The following TYK2 variants were observed in gnomAD, a reference collection of about 807,000 sequenced individuals.
TYK2 encodes the protein tyrosine kinase 2.
TYK2 carries 65 observed loss-of-function variants against 130.9 expected under a neutral mutation model. The observed-to-expected ratio is 0.50, with a 90% CI of 0.41 to 0.61. TYK2 has a LOEUF of 0.61. TYK2 is among the 20% of genes least tolerant of loss of function. The pLI is 0.00. For synonymous variants in TYK2, 647 were observed against 658.9 expected (o/e 0.98, Z 0.28); for missense variants, 1,378 against 1,610.7 (o/e 0.86, Z 2.47).
chr19:10,362,351 C>G lies in TYK2; in HGVS notation c.1582G>C (p.Glu528Gln). ...CAGCCCTGCAAGGCAGCCCCAAGTTCCCGAACGCTGGGGAAGGACCGGCCC... is the reference window on the plus strand; with the variant it reads ...CAGCCCTGCAAGGCAGCCCCAAGTTGCCGAACGCTGGGGAAGGACCGGCCC... ...GWGRSFPSVRELGAALQGCLL... is the reference protein window; with the variant it reads ...GWGRSFPSVRQLGAALQGCLL... Residue 528 changes from glutamate (E) to glutamine (Q), a missense_variant, in exon 11 of 25, where the codon GAA becomes CAA. Physicochemically the swap from Glu to Gln is conservative, Grantham distance 29. Transcript: ENST00000525621. 6.2e-7 allele frequency: 1 copy of G among 1,614,136 alleles called. No homozygotes were observed. Among genetic ancestry groups the G allele is most frequent in the South Asian group, 1.1e-5 (1 of 91,088 alleles).
In TYK2 at chr19:10,352,804, C is replaced by G. The variant is rs280496; in HGVS notation, c.3200+122G>C. ...GCCTCCATAGGCCCCACCCCCGCAC[C>G]GCTAGGCCCCGCCGCGCTTCACTGG... On this transcript the variant is annotated intron_variant, in intron 22 of 24. Transcript: ENST00000525621. 326,770 of 1,324,388 alleles carry G rather than the reference C, an allele frequency of 0.25. 43,067 individuals carry two copies. Among genetic ancestry groups the G allele is most frequent in the African/African-American group, 0.45 (30,885 of 68,242 alleles). 82.0% of individuals were successfully genotyped at this position (1,324,388 alleles called of 1,614,324 possible).
chr19:10,364,836 TACCCTGGGCCTCACCAGGC>T lies in TYK2; in HGVS notation c.1205_1209+14del. Reference sequence around the variant, plus strand: ...CCATGATGGGCCCTAGCCCAGCCCCTACCCTGGGCCTCACCAGGCACTTGTTGTCCTGCCGGTGGATGCT... The same window carrying T: ...CCATGATGGGCCCTAGCCCAGCCCCTACTTGTTGTCCTGCCGGTGGATGCT... On this transcript the variant is annotated splice_donor_variant and splice_donor_5th_base_variant and coding_sequence_variant and intron_variant, in exon 8 of 25. Transcript: ENST00000525621. LOFTEE classifies it high-confidence loss of function. The surrounding 1 kb of genome is among the most constrained non-coding windows in gnomAD (Gnocchi z 4.9). The T allele has an allele frequency of 3.7e-6, 6 of 1,614,014 alleles. No homozygotes were observed. Among genetic ancestry groups the T allele is most frequent in the Non-Finnish European group, 5.1e-6 (6 of 1,180,024 alleles).
At chr19:10,369,858 A>C in intron 3 of TYK2, 1 of 391,050 alleles carries the variant, frequency 2.6e-6, no homozygotes, top group Non-Finnish European at 5.1e-6. Flanking sequence ...CTTGGCTAAC[A>C]TGGTGAAACC....
Position 10,359,184 on chromosome 19 carries a change from G to A in TYK2, c.2166C>T (p.Leu722=), listed in dbSNP as rs1303643362. 6.2e-6 allele frequency: 10 copies of A among 1,603,600 alleles called. No homozygotes were observed. Among genetic ancestry groups the A allele is most frequent in the Non-Finnish European group, 8.5e-6 (10 of 1,179,850 alleles). ...MVVAQQLASA[L]SYLENKNLVH... ...CACACAGGCCACACACCAGGTAGCT[G>A]AGGGCGCTGGCCAGCTGCTGGGCCA... The change falls in exon 15 of 25, where the codon CTC becomes CTT. Residue 722 remains leucine (L), a synonymous_variant. Coordinates refer to ENST00000525621, the MANE Select transcript of TYK2 (RefSeq NM_003331.5).
Position 10,358,116 on chromosome 19 carries a change from C to T in TYK2, c.2198G>A (p.Gly733Asp). Residue 733 changes from glycine (G) to aspartate (D), a missense_variant, in exon 16 of 25, where the codon GGT becomes GAT. Physicochemically the swap from Gly to Asp is moderately conservative, Grantham distance 94. Transcript: ENST00000525621. ...SYLENKNLVH[G>D]NVCGRNILLA... ...CAGGATGTTCCGGCCACACACATTA[C>T]CATGAACCAGGTTCTTGTTCTCCTG... 1 of 1,610,664 alleles carries T rather than the reference C, an allele frequency of 6.2e-7. No homozygotes were observed.
In TYK2 at chr19:10,364,584, G is replaced by A. The variant is rs1261821842; in HGVS notation, c.1367+30C>T. On this transcript the variant is annotated intron_variant, in intron 9 of 24. Transcript: ENST00000525621. This position sits in a 1 kb window ranked among gnomAD's most constrained non-coding sequence, Gnocchi z 4.9. ...CAGTCTAGTTGGCACCCTTGGCGGTGGCCCCCAGCGCCCCCCACCCAGCAC... is the reference window on the plus strand; with the variant it reads ...CAGTCTAGTTGGCACCCTTGGCGGTAGCCCCCAGCGCCCCCCACCCAGCAC... 1.2e-6 allele frequency: 2 copies of A among 1,612,862 alleles called. No individual in the cohort carries two copies. Among genetic ancestry groups the A allele is most frequent in the East Asian group, 2.2e-5 (1 of 44,878 alleles).
rs2041426572 is a variant in TYK2, at chr19:10,361,958, G to A, written c.1774-3C>T. 2 of 1,613,904 alleles carry A rather than the reference G, an allele frequency of 1.2e-6. No homozygotes were observed. Among genetic ancestry groups the A allele is most frequent in the Non-Finnish European group, 1.7e-6 (2 of 1,179,998 alleles). ...GTGCCCTGGCCCAAGTGGGACAGCT[G>A]CGGGATCATGTGGCACAGAATACCG... On this transcript the variant is annotated splice_polypyrimidine_tract_variant and splice_region_variant and intron_variant, in intron 12 of 24. Coordinates refer to ENST00000525621, the MANE Select transcript of TYK2 (RefSeq NM_003331.5). This position sits in a 1 kb window ranked among gnomAD's most constrained non-coding sequence, Gnocchi z 4.0.
chr19:10,359,134 C>T, intron 15 of TYK2, 41 bp downstream of exon 15: 2 of 1,596,026 alleles, frequency 1.3e-6, no homozygotes, highest in Non-Finnish European at 8.5e-7. Flanking sequence ...GGGCTCCTGG[C>T]CCTCCCTGAC....
rs368043817 is a variant in TYK2, at chr19:10,352,497, C to T, written c.3255G>A (p.Trp1085Ter). 6.2e-7 allele frequency: 1 copy of T among 1,604,320 alleles called. No homozygotes were observed. Among genetic ancestry groups the T allele is most frequent in the African/African-American group, 1.3e-5 (1 of 74,624 alleles). The change falls in exon 23 of 25, where the codon TGG (tryptophan) becomes TGA (stop). Residue 1085 changes from tryptophan to a stop codon, truncating the protein, a stop_gained. Transcript: ENST00000525621. LOFTEE classifies it high-confidence loss of function. ...EYKFYYASDV[W>*]SFGVTLYELL... ...GCTCATACAGGGTCACCCCGAAGGA[C>T]CAGACATCTGACGCATAGTAGAACT...
intron 17 of TYK2, chr19:10,357,488 GC>G: frequency 1.4e-6 from 1 of 704,956 alleles, no homozygotes; most frequent in Non-Finnish European, 2.6e-6. Context: ...CCACTCTGCA[GC>G]CTGGGCGTCT....
intron 19 of TYK2, 97 bp downstream of exon 19, chr19:10,354,415 C>T: frequency 7.2e-7 from 1 of 1,394,154 alleles, no homozygotes; most frequent in South Asian, 1.2e-5. Flanking sequence ...GTCCCACCCA[C>T]ATCTCCTGAG....
rs1568333830 is a variant in TYK2 at position 10,361,609 on chromosome 19, C to CG, written c.1960-12dup. The CG allele has an allele frequency of 6.5e-7, 1 of 1,549,066 alleles. No homozygotes were observed. Among genetic ancestry groups the CG allele is most frequent in the Admixed American group, 2.0e-5 (1 of 51,090 alleles). On this transcript the variant is annotated splice_polypyrimidine_tract_variant and intron_variant, in intron 13 of 24. Transcript: ENST00000525621. This position sits in a 1 kb window ranked among gnomAD's most constrained non-coding sequence, Gnocchi z 4.0. Reference sequence around the variant, plus strand: ...TGTCTCGTAGAAGGCCTGTGGGGACCGGGCAGGTCAGGTGGCTGCAAAGCC... The same window carrying CG: ...TGTCTCGTAGAAGGCCTGTGGGGACCGGGGCAGGTCAGGTGGCTGCAAAGCC...
chr19:10,352,578 C>G, intron 22 of TYK2, 27 bp from the exon 23 acceptor site: 1 of 1,114,772 alleles, frequency 9.0e-7, no homozygotes, highest in Admixed American at 2.1e-5. Flanking sequence ...ACTCAGGCCA[C>G]GGGGGGCTGC....
At chr19:10,357,431 T>C (rs1351554289) in intron 17 of TYK2, 5 of 684,070 alleles carry the variant, frequency 7.3e-6, no homozygotes, top group South Asian at 6.1e-5. Flanking sequence ...TTGGGAAGCC[T>C]TGTCTGACCC....
At chr19:10,365,405 T>C (rs2041611608) in intron 7 of TYK2, 112 bp downstream of exon 7, 13 of 1,522,816 alleles carry the variant, frequency 8.5e-6, no homozygotes, top group Non-Finnish European at 9.9e-6. Context: ...CCCAGAGCCA[T>C]GTGGGGAGAG....
In TYK2 at chr19:10,353,323, G is replaced by A; in HGVS notation, c.3027+205C>T. 1.7e-6 allele frequency: 1 copy of A among 576,580 alleles called. No individual in the cohort carries two copies. The allele number at this position is 576,580 out of a possible 1,614,324, so 35.7% of individuals were successfully genotyped here. A position where few individuals can be genotyped will look rare whatever the true frequency, so the allele number is the denominator to read the frequency against. The stretch of plus-strand genomic sequence containing the variant: ...AGCTGGGCAGGAGGGCGAGTTGGGA[G>A]GGGCCGAGCCGGCTGTGCGTGGTCC... On this transcript the variant is annotated intron_variant, in intron 21 of 24. Transcript: ENST00000525621. The surrounding 1 kb of genome is among the most constrained non-coding windows in gnomAD (Gnocchi z 6.9).
intron 2 of TYK2, 116 bp from the exon 3 acceptor site, chr19:10,378,542 T>G: frequency 1.2e-6 from 1 of 814,854 alleles, no homozygotes; most frequent in Non-Finnish European, 2.0e-6. Flanking sequence ...GCTCCCATCT[T>G]GGCATGACAT....
chr19:10,365,481 C>T (rs752405996), intron 7 of TYK2, 36 bp downstream of exon 7: 2 of 1,611,834 alleles, frequency 1.2e-6, no homozygotes, highest in Non-Finnish European at 1.7e-6. Context: ...CCCAGCCCAA[C>T]CTGAACCCCC....
intron 3 of TYK2, among the ~76,000 whole-genome samples, chr19:10,372,478 ATATATAT>A (rs1393777849): frequency 2.2e-4 from 14 of 64,386 alleles, no homozygotes; most frequent in Non-Finnish European, 3.5e-4. Flanking sequence ...ATATATATAT[ATATATAT>A]TTTTTTTTTT....
Sources: allele counts gnomAD v4.1 joint callset (sites outside exome capture counted in the v4.1 genomes callset), GRCh38; gene constraint gnomAD v4.1.1; non-coding constraint Gnocchi (gnomAD v3.1); transcripts MANE v1.5; gene names NCBI Gene and HGNC (gene_info 2026-07-23, HGNC 2026-07-21).